Variants in PRICKLE3 observed in about 807,000 individuals in gnomAD.
PRICKLE3 encodes the protein LIM domain only protein 6.
In PRICKLE3, 17 loss-of-function variants were observed where a neutral mutation model predicts 33.8. The observed-to-expected ratio is 0.50, with a 90% CI of 0.34 to 0.75. The LOEUF (loss-of-function observed/expected upper bound fraction) is 0.75. Ranked by LOEUF, PRICKLE3 falls within the 30% of genes least tolerant of loss-of-function variation. The pLI is 0.01. For missense variants in PRICKLE3, 573 were observed against 576.7 expected, an observed-to-expected ratio of 0.99 and a Z score of 0.07; for synonymous variants, 211 against 219.6, an observed-to-expected ratio of 0.96 and a Z score of 0.34.
rs1557100732 is a variant in PRICKLE3 at position 49,179,759 on chromosome X, G to T, written c.360C>A (p.Val120=). 8.5e-7 allele frequency: 1 copy of T among 1,181,913 alleles called. No homozygotes were observed. ...SCLPEDKVPY[V]NSPGEKYRIK... ...TCCTGTATTTCTCCCCAGGACTGTT[G>T]ACGTAGGGGACCTTGTCCTCTGGGA... The change falls in exon 4 of 9, where the codon GTC becomes GTA. Residue 120 remains valine, a synonymous_variant. Transcript: ENST00000599218.
chrX:49,179,441 C>T, intron 4 of PRICKLE3, 53 bp from the exon 5 acceptor site: 1 of 1,190,768 alleles, frequency 8.4e-7, no homozygotes, highest in Non-Finnish European at 1.1e-6. Context: ...GTCCCTGCCC[C>T]TCTTCCAGAC....
intron 3 of PRICKLE3, among the ~76,000 whole-genome samples, chrX:49,182,825 A>ATT (rs34181703): frequency 5.5e-5 from 4 of 72,840 alleles, no homozygotes; most frequent in South Asian, 6.6e-4. Context: ...GCCTGGGCAG[A>ATT]TTTTTTTTTT....
chrX:49,178,282 G>A lies in PRICKLE3; in HGVS notation c.758C>T (p.Ala253Val). 1 of 1,199,541 alleles carries A rather than the reference G, an allele frequency of 8.3e-7. No individual in the cohort carries two copies. Among genetic ancestry groups the A allele is most frequent in the Non-Finnish European group, 1.1e-6 (1 of 889,302 alleles). ...HAECLRPRCQ[A>V]CDEIIFSPEC... ...CAGGGAGGCCCAAACCTCGTCACAG[G>A]CTTGGCAGCGTGGACGCAGGCATTC... Residue 253 changes from alanine (A) to valine (V), a missense_variant, in exon 6 of 9, where the codon GCC becomes GTC. Ala to Val is a moderately conservative substitution (Grantham distance 64, BLOSUM62 0). Coordinates refer to ENST00000599218, the MANE Select transcript of PRICKLE3 (RefSeq NM_006150.5).
rs782086935 is a variant in PRICKLE3, at chrX:49,183,825, G to A, written c.221C>T (p.Ser74Leu). ...GGAGATGGAGTGGCGCTGGAAGTCC[G>A]AGATTAGCCGACACATGATGCGTTC... is the stretch of plus-strand genomic sequence containing the variant. The part of the protein sequence containing the change: ...DLERIMCRLI[S>L]DFQRHSISDD... The change falls in exon 3 of 9, where the codon TCG becomes TTG. Residue 74 changes from serine (S) to leucine (L), a missense_variant. Physicochemically the swap from Ser to Leu is moderately radical, Grantham distance 145. Coordinates refer to ENST00000599218, the MANE Select transcript of PRICKLE3 (RefSeq NM_006150.5). 41 of 1,209,721 alleles carry A rather than the reference G, an allele frequency of 3.4e-5. No individual in the cohort carries two copies. Among genetic ancestry groups the A allele is most frequent in the South Asian group, 1.8e-4 (10 of 56,793 alleles).
At position 49,178,196 on chromosome X, in the gene PRICKLE3, A is replaced by G. The variant is rs907105143; in HGVS notation, c.769-17T>C. ...GAAGATGATCTGGAGGGCGCAGGCC[A>G]TCTGTGGCTGTCAGATGAGCCTGCT... On this transcript the variant is annotated splice_polypyrimidine_tract_variant and intron_variant, in intron 6 of 8. Coordinates refer to ENST00000599218, the MANE Select transcript of PRICKLE3 (RefSeq NM_006150.5). The G allele has an allele frequency of 2.5e-6, 3 of 1,195,633 alleles. No individual in the cohort carries two copies. Among genetic ancestry groups the G allele is most frequent in the Non-Finnish European group, 3.4e-6 (3 of 885,405 alleles).
In PRICKLE3 at chrX:49,183,723, C is replaced by T. The variant is rs1557101480; in HGVS notation, c.312+11G>A. On this transcript the variant is annotated intron_variant, in intron 3 of 8. Coordinates refer to ENST00000599218, the MANE Select transcript of PRICKLE3 (RefSeq NM_006150.5). ...CTGGACAGCAAGAGTGGAGGGCTGG[C>T]CTCTGGTCACCTGCTCCGGCTTAAG... is the stretch of plus-strand genomic sequence containing the variant. 8.3e-7 allele frequency: 1 copy of T among 1,211,426 alleles called. No individual in the cohort carries two copies. Among genetic ancestry groups the T allele is most frequent in the East Asian group, 3.0e-5 (1 of 33,816 alleles).
Position 49,178,308 on chromosome X carries a change from G to A in PRICKLE3, c.732C>T (p.Ala244=), listed in dbSNP as rs782690449. 7.5e-6 allele frequency: 9 copies of A among 1,201,300 alleles called. No homozygotes were observed. The Admixed American group carries it at 9.0e-5, about 12-fold the overall frequency. ...CTTGGCAGCGTGGACGCAGGCATTC[G>A]GCATGGTGACGCCCGCAGTAGACCT... ...VGKVYCGRHH[A]ECLRPRCQAC... is the part of the protein sequence containing the mutation. The change falls in exon 6 of 9, where the codon GCC becomes GCT. Residue 244 remains alanine, a synonymous_variant. Coordinates refer to ENST00000599218, the MANE Select transcript of PRICKLE3 (RefSeq NM_006150.5).
At chrX:49,182,825 ATT>A (rs34181703) in intron 3 of PRICKLE3, among the ~76,000 whole-genome samples, 831 of 72,809 alleles carry the variant, frequency 0.011, 7 homozygotes, top group African/African-American at 0.02. Context: ...GCCTGGGCAG[ATT>A]TTTTTTTTTT....
chrX:49,175,525 A>T lies in PRICKLE3; in HGVS notation c.*148T>A, dbSNP rs1387366358. 1.8e-6 allele frequency: 1 copy of T among 566,887 alleles called. No individual in the cohort carries two copies. The highest frequency in any genetic ancestry group is 2.3e-5 in the African/African-American group (1 of 42,807). The allele number at this position is 566,887 out of a possible 1,213,427, so 46.7% of individuals were successfully genotyped here. ...CAATAGGGTAGACCAAGTCTCTAAAACAGAAACAAAAATAGAAACAAACTG... is the reference window on the plus strand; with the variant it reads ...CAATAGGGTAGACCAAGTCTCTAAATCAGAAACAAAAATAGAAACAAACTG... On this transcript the variant is annotated 3_prime_UTR_variant, in exon 9 of 9. Transcript: ENST00000599218.
chrX:49,179,229 G>A (rs782180873), intron 5 of PRICKLE3, 22 bp downstream of exon 5: 1 of 1,206,309 alleles, frequency 8.3e-7, no homozygotes, highest in Admixed American at 2.2e-5. Context: ...CTGCTCACTC[G>A]CTGAGGCCCT....
Position 49,177,057 on chromosome X carries a change from G to C in PRICKLE3, c.1101C>G (p.Ser367Arg), listed in dbSNP as rs782654239. 1 of 1,208,419 alleles carries C rather than the reference G, an allele frequency of 8.3e-7. No homozygotes were observed. The highest frequency in any genetic ancestry group is 1.8e-5 in the South Asian group (1 of 56,557). ...RGLIFCSRAC[S>R]LGSEPTAPGP... is the part of the protein sequence containing the mutation. The stretch of plus-strand genomic sequence containing the variant: ...CTGGAGCTGTGGGCTCGGACCCAAG[G>C]CTGCAGGCTCGAGAGCAGAAGATTA... The change falls in exon 8 of 9, where the codon AGC becomes AGG. Residue 367 changes from serine (S) to arginine (R), a missense_variant. Transcript: ENST00000599218.
chrX:49,183,617 G>T (rs1391722948), intron 3 of PRICKLE3, 117 bp downstream of exon 3: 2 of 1,154,347 alleles, frequency 1.7e-6, no homozygotes, highest in Non-Finnish European at 2.3e-6. Context: ...CCCTCGGTCT[G>T]ACTGCACACT....
chrX:49,181,628 T>C (rs35508114), intron 3 of PRICKLE3, among the ~76,000 whole-genome samples: 3,840 of 20,383 alleles, frequency 0.19, 263 homozygotes, highest in South Asian at 0.58. Context: ...TATATATATA[T>C]ACACACACAT....
chrX:49,176,228 C>T lies in PRICKLE3; in HGVS notation c.1293G>A (p.Gly431=). The change falls in exon 9 of 9, where the codon GGG becomes GGA. Residue 431 remains glycine, a synonymous_variant. Coordinates refer to ENST00000599218, the MANE Select transcript of PRICKLE3 (RefSeq NM_006150.5). ...GPEEPSRFLR[G]APHRHSMPEL... Reference sequence around the variant, plus strand: ...CCGGCATGGAGTGGCGGTGGGGAGCCCCTCTCAGAAAGCGGGAGGGCTCCT... The same window carrying T: ...CCGGCATGGAGTGGCGGTGGGGAGCTCCTCTCAGAAAGCGGGAGGGCTCCT... 1 of 1,154,285 alleles carries T rather than the reference C, an allele frequency of 8.7e-7. No homozygotes were observed. Among genetic ancestry groups the T allele is most frequent in the Non-Finnish European group, 1.2e-6 (1 of 867,243 alleles).
chrX:49,185,547 C>T (rs1164976628), intron 1 of PRICKLE3, among the ~76,000 whole-genome samples: 1 of 111,125 alleles, frequency 9.0e-6, no homozygotes, highest in African/African-American at 3.3e-5. Context: ...TTCGGCATCC[C>T]AGGAGTGTAG....
intron 5 of PRICKLE3, 128 bp from the exon 6 acceptor site, chrX:49,178,603 T>C: frequency 1.5e-6 from 1 of 675,518 alleles, no homozygotes; most frequent in Admixed American, 3.1e-5. Flanking sequence ...GCCCCACCCA[T>C]GGGGTAACTT....
At chrX:49,177,848 C>T (rs950706955) in intron 7 of PRICKLE3, 145 bp downstream of exon 7, 8 of 592,923 alleles carry the variant, frequency 1.3e-5, no homozygotes, top group African/African-American at 2.3e-5. Flanking sequence ...TGCAACCAAG[C>T]GTACAGGTCT....
intron 3 of PRICKLE3, among the ~76,000 whole-genome samples, chrX:49,181,426 C>T (rs782534338): frequency 0.016 from 1,391 of 88,394 alleles, 31 homozygotes; most frequent in African/African-American, 0.057. Flanking sequence ...AATTATTATA[C>T]GTATATTATT....
chrX:49,176,764 G>A (rs1338160342), intron 8 of PRICKLE3, 139 bp downstream of exon 8: 8 of 614,834 alleles, frequency 1.3e-5, no homozygotes, highest in Non-Finnish European at 1.8e-5. Flanking sequence ...AGGAGGATGA[G>A]CTGAGAAATG....
Sources: allele counts gnomAD v4.1 joint callset (sites outside exome capture counted in the v4.1 genomes callset), GRCh38; gene constraint gnomAD v4.1.1; transcripts MANE v1.5; gene names NCBI Gene and HGNC (gene_info 2026-07-23, HGNC 2026-07-21).